Variants in SPA17 observed in about 807,000 individuals in gnomAD.
The protein encoded by SPA17 is sperm surface protein Sp17.
In SPA17, 7 loss-of-function variants were observed where a neutral mutation model predicts 13.8. That is an observed-to-expected ratio of 0.51 (90% confidence interval 0.29 to 0.95). SPA17 has a LOEUF of 0.95. Ranked by LOEUF, SPA17 falls within the 40% of genes least tolerant of loss-of-function variation. The pLI is 0.08. For synonymous variants in SPA17, 61 were observed against 59.0 expected, an observed-to-expected ratio of 1.03 and a Z score of -0.16; for missense variants, 170 against 179.3, an observed-to-expected ratio of 0.95 and a Z score of 0.30.
intron 1 of SPA17, 32 bp from the exon 2 acceptor site, chr11:124,675,206 T>C: frequency 6.4e-7 from 1 of 1,552,354 alleles, no homozygotes; most frequent in Non-Finnish European, 8.7e-7. Flanking sequence ...ATCAGACAAA[T>C]TTAAAGACAG....
In SPA17 at chr11:124,696,621, T is replaced by C. The variant is rs1943673964; in HGVS notation, c.*2175T>C. The C allele has an allele frequency of 6.6e-6, 1 of 152,194 alleles. No individual in the cohort carries two copies. 9.4% of individuals were successfully genotyped at this position (152,194 alleles called of 1,614,324 possible). ...TATTAGAACTTATCTGGTTTTCCTC[T>C]TATCTCTCTGGCTGTTCCTTCTCAA... On this transcript the variant is annotated 3_prime_UTR_variant, in exon 5 of 5. Coordinates refer to ENST00000227135, the MANE Select transcript of SPA17 (RefSeq NM_017425.4).
At chr11:124,690,228 GATGA>G in intron 3 of SPA17, among the ~76,000 whole-genome samples, 1 of 152,174 alleles carries the variant, frequency 6.6e-6, no homozygotes. Context: ...CTGTCCAATG[GATGA>G]ATGAATAAGG....
chr11:124,681,518 A>C, intron 3 of SPA17, 59 bp downstream of exon 3: 19 of 1,298,166 alleles, frequency 1.5e-5, no homozygotes, highest in Non-Finnish European at 1.8e-5. Context: ...ACAGCTAGCA[A>C]TTATTAGGCT....
At position 124,675,225 on chromosome 11, in the gene SPA17, A is replaced by G. The variant is rs1269615564; in HGVS notation, c.-27-13A>G. Reference sequence around the variant, plus strand: ...GACAAATTTAAAGACAGTACTCTTTAATGAATCTTTAGGTTCCATAGGCAG... The same window carrying G: ...GACAAATTTAAAGACAGTACTCTTTGATGAATCTTTAGGTTCCATAGGCAG... On this transcript the variant is annotated splice_polypyrimidine_tract_variant and intron_variant, in intron 1 of 4. Coordinates refer to ENST00000227135, the MANE Select transcript of SPA17 (RefSeq NM_017425.4). 1 of 1,592,916 alleles carries G rather than the reference A, an allele frequency of 6.3e-7. No homozygotes were observed.
intron 3 of SPA17, among the ~76,000 whole-genome samples, chr11:124,689,107 C>T (rs1414079263): frequency 1.3e-5 from 2 of 152,006 alleles, no homozygotes; most frequent in African/African-American, 2.4e-5. Context: ...ATTGGAGAGC[C>T]GTATGTAGAA....
chr11:124,675,436 A>G lies in SPA17; in HGVS notation c.154+18A>G, dbSNP rs770934856. On this transcript the variant is annotated intron_variant, in intron 2 of 4. Coordinates refer to ENST00000227135, the MANE Select transcript of SPA17 (RefSeq NM_017425.4). ...AAGAGAGAGTAAGCTTTCTAAAATTAGTCATTTTTTAAAATAAGAAACTAA... is the reference window on the plus strand; with the variant it reads ...AAGAGAGAGTAAGCTTTCTAAAATTGGTCATTTTTTAAAATAAGAAACTAA... The G allele has an allele frequency of 6.3e-7, 1 of 1,599,720 alleles. No individual in the cohort carries two copies. The highest frequency in any genetic ancestry group is 1.1e-5 in the South Asian group (1 of 87,824).
At chr11:124,675,590 A>C (rs142124556) in intron 2 of SPA17, 172 bp downstream of exon 2, 3 of 615,204 alleles carry the variant, frequency 4.9e-6, no homozygotes, top group African/African-American at 1.9e-5. Context: ...ATGTTCTCTT[A>C]AATTCGTTTC....
chr11:124,690,363 C>A (rs1203168178), intron 3 of SPA17, among the ~76,000 whole-genome samples: 1 of 152,040 alleles, frequency 6.6e-6, no homozygotes, highest in Middle Eastern at 3.2e-3. Flanking sequence ...AAGCCAGGCA[C>A]AGAAAGACAT....
intron 3 of SPA17, among the ~76,000 whole-genome samples, chr11:124,688,864 T>G (rs1347373682): frequency 1.3e-5 from 2 of 152,228 alleles, no homozygotes; most frequent in Non-Finnish European, 2.9e-5. Flanking sequence ...TAATTGCCAT[T>G]TTTGCTGTTA....
intron 3 of SPA17, among the ~76,000 whole-genome samples, chr11:124,689,510 G>C (rs1171023154): frequency 6.6e-6 from 1 of 152,142 alleles, no homozygotes; most frequent in African/African-American, 2.4e-5. Context: ...CAAAGGGCTG[G>C]GCGTGGTGGT....
chr11:124,677,445 A>C (rs1334922273), intron 2 of SPA17, among the ~76,000 whole-genome samples: 2 of 152,222 alleles, frequency 1.3e-5, no homozygotes, highest in Non-Finnish European at 2.9e-5. Context: ...TAAAGGAAAA[A>C]GATAAAATTG....
In SPA17 at chr11:124,675,570, C is replaced by T. The variant is rs1943451874; in HGVS notation, c.154+152C>T. On this transcript the variant is annotated intron_variant, in intron 2 of 4. Coordinates refer to ENST00000227135, the MANE Select transcript of SPA17 (RefSeq NM_017425.4). ...TTCTTGCTCTTTGAAACAGTATGTA[C>T]CTCTTTGATATGTTCTCTTAAATTC... 5.5e-6 allele frequency: 4 copies of T among 723,376 alleles called. No individual in the cohort carries two copies. The South Asian group carries it at 8.1e-5, about 15-fold the overall frequency. The allele number at this position is 723,376 out of a possible 1,614,324, so 44.8% of individuals were successfully genotyped here.
chr11:124,688,896 A>G (rs963487521), intron 3 of SPA17, among the ~76,000 whole-genome samples: 4 of 152,220 alleles, frequency 2.6e-5, no homozygotes, highest in Non-Finnish European at 5.9e-5. Context: ...AAAGACAGCA[A>G]TTACTTTTGC....
In SPA17 at chr11:124,694,758, C is replaced by A; in HGVS notation, c.*312C>A. 1 of 188,268 alleles carries A rather than the reference C, an allele frequency of 5.3e-6. No homozygotes were observed. Among genetic ancestry groups the A allele is most frequent in the Non-Finnish European group, 1.1e-5 (1 of 92,370 alleles). 11.7% of individuals were successfully genotyped at this position (188,268 alleles called of 1,614,324 possible). On this transcript the variant is annotated 3_prime_UTR_variant, in exon 5 of 5. Coordinates refer to ENST00000227135, the MANE Select transcript of SPA17 (RefSeq NM_017425.4). ...AGAGGTTATGTGTTCTAACTATTAT[C>A]AAATGAATAAATCCTCTCTATCACA... is the stretch of plus-strand genomic sequence containing the variant.
In SPA17 at chr11:124,695,992, C is replaced by T. The variant is rs147121213; in HGVS notation, c.*1546C>T. 720 of 152,330 alleles carry T rather than the reference C, an allele frequency of 4.7e-3. 1 individual carries two copies. The highest frequency in any genetic ancestry group is 9.3e-3 in the South Asian group (45 of 4,822). The allele number at this position is 152,330 out of a possible 1,614,324, so 9.4% of individuals were successfully genotyped here. A position where few individuals can be genotyped will look rare whatever the true frequency, so the allele number is the denominator to read the frequency against. On this transcript the variant is annotated 3_prime_UTR_variant, in exon 5 of 5. Transcript: ENST00000227135. ...TGCAACAGAGGTTCCCCCAAGTGAT[C>T]GCCACTCAAACACAGTTGATTCACA...
At chr11:124,692,911 C>A (rs1232619568) in intron 4 of SPA17, among the ~76,000 whole-genome samples, 1 of 152,200 alleles carries the variant, frequency 6.6e-6, no homozygotes. Flanking sequence ...GAATGGATAT[C>A]CCCTCAAGGA....
rs1943681802 is a variant in SPA17, at chr11:124,697,258, A to G, written c.*2812A>G. The stretch of plus-strand genomic sequence containing the variant: ...ATATTTTCTCCTGGGTCTGTAGGTC[A>G]GTGGTAATGTAGCTAAGCTAGGCTG... On this transcript the variant is annotated 3_prime_UTR_variant, in exon 5 of 5. Transcript: ENST00000227135. 6.6e-6 allele frequency: 1 copy of G among 152,228 alleles called. No homozygotes were observed. Among genetic ancestry groups the G allele is most frequent in the Non-Finnish European group, 1.5e-5 (1 of 68,054 alleles). The allele number at this position is 152,228 out of a possible 1,614,324, so 9.4% of individuals were successfully genotyped here.
intron 3 of SPA17, among the ~76,000 whole-genome samples, chr11:124,685,214 G>A (rs558989855): frequency 4.5e-4 from 68 of 152,364 alleles, no homozygotes; most frequent in Non-Finnish European, 6.3e-4. Context: ...ATGCAGCCTC[G>A]GGACATGGTG....
rs1338175865 is a variant in SPA17, at chr11:124,673,955, G to A, written c.-28+3G>A. The A allele has an allele frequency of 1.8e-6, 1 of 567,708 alleles. No homozygotes were observed. Among genetic ancestry groups the A allele is most frequent in the Admixed American group, 3.0e-5 (1 of 32,872 alleles). 35.2% of individuals were successfully genotyped at this position (567,708 alleles called of 1,614,324 possible). On this transcript the variant is annotated splice_donor_region_variant and intron_variant, in intron 1 of 4. Coordinates refer to ENST00000227135, the MANE Select transcript of SPA17 (RefSeq NM_017425.4). Reference sequence around the variant, plus strand: ...GCACCAGCTCGGAGAGAAAGGAGGTGAGGCCGCTTCCCCACTTCCTCTCCG... The same window carrying A: ...GCACCAGCTCGGAGAGAAAGGAGGTAAGGCCGCTTCCCCACTTCCTCTCCG...
Sources: gnomAD v4.1 joint callset for allele counts (sites outside exome capture counted in the v4.1 genomes callset) on GRCh38, gnomAD v4.1.1 for gene constraint, MANE v1.5 for transcripts, NCBI Gene and HGNC (gene_info 2026-07-23, HGNC 2026-07-21) for gene names.